SGCD: variants seen among roughly 807,000 people sequenced by gnomAD.
The protein encoded by SGCD is sarcoglycan delta.
A neutral mutation model predicts 36.6 loss-of-function variants in SGCD; 18 were observed. The ratio of observed to expected loss-of-function variants is 0.49; its 90% CI spans 0.34 to 0.73. SGCD has a LOEUF of 0.73. Ranked by LOEUF, SGCD falls within the 30% of genes least tolerant of loss-of-function variation. The pLI is 0.01. For synonymous variants in SGCD, 133 were observed against 130.6 expected (o/e 1.02, Z -0.12); for missense variants, 387 against 346.7 (o/e 1.12, Z -0.92).
intron 1 of SGCD, among the ~76,000 whole-genome samples, chr5:155,901,671 G>C (rs1473357951): frequency 2.0e-5 from 3 of 152,172 alleles, no homozygotes; most frequent in African/African-American, 7.2e-5. Flanking sequence ...AAACTGGCCT[G>C]ACCTCACATA....
chr5:156,217,602 T>C (rs2127643977), intron 3 of SGCD, among the ~76,000 whole-genome samples: 1 of 152,324 alleles, frequency 6.6e-6, no homozygotes, highest in Middle Eastern at 3.4e-3. Flanking sequence ...CTTATTTCTC[T>C]CTTTTAGTTT....
intron 1 of SGCD, among the ~76,000 whole-genome samples, chr5:155,897,786 A>G (rs1322666410): frequency 2.6e-5 from 4 of 152,132 alleles, no homozygotes; most frequent in Admixed American, 1.3e-4. Context: ...GGAAATTTTT[A>G]GTTCTATTAT....
rs150428832 is a variant in SGCD at position 156,116,634 on chromosome 5, A to G, written c.-281-1244A>G. ...GTCTCAGCAGGAAAAAGTGTAACAC[A>G]GTGATTGGAAGCCCAGACCCTGGAC... On this transcript the variant is annotated intron_variant, in intron 1 of 9. Coordinates refer to the SGCD transcript ENST00000517913. Among the ~76,000 whole-genome samples, 377 of 152,242 alleles carry G rather than the reference A, an allele frequency of 2.5e-3. 1 individual carries two copies. Among genetic ancestry groups the G allele is most frequent in the African/African-American group, 7.6e-3 (316 of 41,558 alleles).
intron 2 of SGCD, 149 bp downstream of exon 2, chr5:156,329,728 A>T: frequency 2.6e-6 from 2 of 770,476 alleles, no homozygotes; most frequent in Non-Finnish European, 4.0e-6. Flanking sequence ...TATTTTAAAA[A>T]ATCTGCAGGC....
chr5:156,336,842 T>C (rs1768381534), intron 2 of SGCD, among the ~76,000 whole-genome samples: 1 of 152,204 alleles, frequency 6.6e-6, no homozygotes, highest in African/African-American at 2.4e-5. Context: ...CGGTAAAAGT[T>C]TTTCAACACT....
chr5:156,446,773 G>A (rs1463943023), intron 3 of SGCD, among the ~76,000 whole-genome samples: 1 of 152,126 alleles, frequency 6.6e-6, no homozygotes, highest in East Asian at 1.9e-4. Flanking sequence ...ATGAGGATGA[G>A]ATAATAAGGC....
chr5:156,419,473 C>G (rs1184440830), intron 3 of SGCD, among the ~76,000 whole-genome samples: 1 of 152,098 alleles, frequency 6.6e-6, no homozygotes, highest in Non-Finnish European at 1.5e-5. Flanking sequence ...CCTCCATCAC[C>G]TTCTTTTTTA....
At chr5:156,745,494 A>C (rs1277253026) in intron 7 of SGCD, among the ~76,000 whole-genome samples, 1 of 152,220 alleles carries the variant, frequency 6.6e-6, no homozygotes, top group Non-Finnish European at 1.5e-5. Context: ...TGCAGGCTTC[A>C]AATAATTCCT....
At chr5:156,289,896 C>G (rs1452786037) in intron 3 of SGCD, among the ~76,000 whole-genome samples, 1 of 152,034 alleles carries the variant, frequency 6.6e-6, no homozygotes, top group Admixed American at 6.6e-5. Flanking sequence ...TAGAATTTCC[C>G]CATCTTTATA....
chr5:156,399,245 A>G lies in SGCD; in HGVS notation c.192+54568A>G, dbSNP rs117523488. 4.4e-4 allele frequency among the ~76,000 whole-genome samples: 67 copies of G among 152,334 alleles called. 1 individual carries two copies. In the East Asian group the frequency reaches 0.011, roughly 25 times the overall value. ...CAGTAAATACAACAGAAAATTTTCC[A>G]TACTCAAAGAGCTCATTGTTATAGG... On this transcript the variant is annotated intron_variant, in intron 3 of 8. Coordinates refer to ENST00000337851, the MANE Select transcript of SGCD (RefSeq NM_000337.6).
chr5:156,721,831 G>C (rs1010345720), intron 7 of SGCD, among the ~76,000 whole-genome samples: 4 of 152,100 alleles, frequency 2.6e-5, no homozygotes, highest in African/African-American at 9.7e-5. Context: ...GGGAATATAT[G>C]GAAGTCCTCT....
chr5:156,350,161 C>T (rs974489577), intron 3 of SGCD, among the ~76,000 whole-genome samples: 1 of 149,432 alleles, frequency 6.7e-6, no homozygotes, highest in Non-Finnish European at 1.5e-5. Context: ...GTGGTGGGTA[C>T]ACTAAAATTC....
intron 3 of SGCD, among the ~76,000 whole-genome samples, chr5:156,189,735 T>A (rs1002634193): frequency 1.3e-5 from 2 of 152,090 alleles, no homozygotes; most frequent in Admixed American, 1.3e-4. Context: ...TCTGTTAGAT[T>A]GTATTTTGTG....
intron 3 of SGCD, among the ~76,000 whole-genome samples, chr5:156,307,026 C>G (rs1272626670): frequency 6.8e-6 from 1 of 147,424 alleles, no homozygotes; most frequent in Non-Finnish European, 1.5e-5. Context: ...GCTATTTGCA[C>G]AGAATATAAG....
At chr5:156,355,800 C>T (rs1769464931) in intron 3 of SGCD, among the ~76,000 whole-genome samples, 1 of 152,180 alleles carries the variant, frequency 6.6e-6, no homozygotes, top group African/African-American at 2.4e-5. Flanking sequence ...CCACGCCTGG[C>T]TAATTTTTGT....
At chr5:156,315,002 C>T (rs1358400900) in intron 3 of SGCD, among the ~76,000 whole-genome samples, 2 of 151,974 alleles carry the variant, frequency 1.3e-5, no homozygotes, top group Non-Finnish European at 2.9e-5. Context: ...ATAATCACCA[C>T]AATCAATCTA....
intron 7 of SGCD, among the ~76,000 whole-genome samples, chr5:156,697,050 C>CT (rs971301696): frequency 4.3e-4 from 64 of 148,024 alleles, no homozygotes; most frequent in South Asian, 1.1e-3. Flanking sequence ...ACACTGACAT[C>CT]TTTTTTTTTT....
At chr5:156,011,762 AC>A (rs1758865806) in intron 1 of SGCD, among the ~76,000 whole-genome samples, 1 of 152,144 alleles carries the variant, frequency 6.6e-6, no homozygotes, top group African/African-American at 2.4e-5. Context: ...TAAACATAAA[AC>A]TTTGAATAAT....
chr5:156,321,345 G>A (rs7737383), intron 3 of SGCD, among the ~76,000 whole-genome samples: 42,957 of 152,062 alleles, frequency 0.28, 6,154 homozygotes, highest in Middle Eastern at 0.42. Flanking sequence ...GTGTGAACCC[G>A]AGAAGTGGAG....
Sources: gnomAD v4.1 joint callset for allele counts (sites outside exome capture counted in the v4.1 genomes callset) on GRCh38, gnomAD v4.1.1 for gene constraint, MANE v1.5 for transcripts, NCBI Gene and HGNC (gene_info 2026-07-23, HGNC 2026-07-21) for gene names.